Variants in SPOCK3 observed in about 807,000 individuals in gnomAD.
The protein encoded by SPOCK3 is SPARC (osteonectin), cwcv and kazal like domains proteoglycan 3.
SPOCK3 carries 30 observed loss-of-function variants against 56.6 expected under a neutral mutation model. That is an observed-to-expected ratio of 0.53 (90% CI 0.40 to 0.72). The LOEUF (loss-of-function observed/expected upper bound fraction) is 0.72. Ranked by LOEUF, SPOCK3 falls within the 30% of genes least tolerant of loss-of-function variation. The pLI is 0.00. For synonymous variants in SPOCK3, 196 were observed against 183.3 expected, an observed-to-expected ratio of 1.07 and a Z score of -0.56; for missense variants, 527 against 530.0, an observed-to-expected ratio of 0.99 and a Z score of 0.06.
In SPOCK3 at chr4:167,061,351, A is replaced by G. The variant is rs538717358; in HGVS notation, c.235+1141T>C. On this transcript the variant is annotated intron_variant, in intron 3 of 10. Coordinates refer to ENST00000357545, the MANE Select transcript of SPOCK3 (RefSeq NM_001040159.2). ...TTTTAGAGCATTGGCTTGACTTATTAGTAACAAATTCAAAATTAATTCTTT... is the reference window on the plus strand; with the variant it reads ...TTTTAGAGCATTGGCTTGACTTATTGGTAACAAATTCAAAATTAATTCTTT... Among the ~76,000 whole-genome samples, 137 of 152,142 alleles carry G rather than the reference A, an allele frequency of 9.0e-4. 1 individual carries two copies. The highest frequency in any genetic ancestry group is 3.1e-3 in the African/African-American group (130 of 41,562).
chr4:167,033,832 A>G (rs7677172), intron 3 of SPOCK3, among the ~76,000 whole-genome samples: 54,883 of 151,810 alleles, frequency 0.36, 12,307 homozygotes, highest in African/African-American at 0.64. Flanking sequence ...TCTCCATTTG[A>G]ATTTACTAGA....
At chr4:166,848,184 C>T (rs1482472962) in intron 6 of SPOCK3, among the ~76,000 whole-genome samples, 2 of 152,170 alleles carry the variant, frequency 1.3e-5, no homozygotes, top group Admixed American at 6.5e-5. Context: ...TTTATAAATG[C>T]TCATATTGCA....
Position 166,748,186 on chromosome 4 carries a change from T to G in SPOCK3, c.932-6127A>C, listed in dbSNP as rs1449760480. 1.4e-5 allele frequency among the ~76,000 whole-genome samples: 2 copies of G among 137,954 alleles called. 1 individual carries two copies. Among genetic ancestry groups the G allele is most frequent in the African/African-American group, 6.1e-5 (2 of 32,544 alleles). 90.5% of individuals were successfully genotyped at this position (137,954 alleles called of 152,430 possible). A position where few individuals can be genotyped will look rare whatever the true frequency, so the allele number is the denominator to read the frequency against. On this transcript the variant is annotated intron_variant, in intron 8 of 10. Transcript: ENST00000357545. ...AGAGCCTGCATTGCCAAGACAATCC[T>G]AAGCCAAAAGAACAAAGCTGGAGGC...
At chr4:166,782,386 C>T (rs531180458) in intron 7 of SPOCK3, among the ~76,000 whole-genome samples, 10 of 152,180 alleles carry the variant, frequency 6.6e-5, no homozygotes, top group South Asian at 6.2e-4. Flanking sequence ...AAAACATCAA[C>T]GCTGTTCTAA....
At chr4:167,006,266 A>G (rs1579973677) in intron 3 of SPOCK3, among the ~76,000 whole-genome samples, 2 of 152,186 alleles carry the variant, frequency 1.3e-5, no homozygotes, top group African/African-American at 4.8e-5. Flanking sequence ...AGCCCTTGGA[A>G]TTACAAAACC....
chr4:167,048,150 T>A (rs558184869), intron 3 of SPOCK3, among the ~76,000 whole-genome samples: 2 of 152,018 alleles, frequency 1.3e-5, no homozygotes, highest in Non-Finnish European at 2.9e-5. Flanking sequence ...AATTAAAGCA[T>A]GTAAGAGGCA....
At chr4:167,074,975 G>C (rs1481860940) in intron 2 of SPOCK3, among the ~76,000 whole-genome samples, 2 of 151,788 alleles carry the variant, frequency 1.3e-5, no homozygotes, top group South Asian at 4.1e-4. Flanking sequence ...ATCACCTCAA[G>C]CATGTATCAT....
intron 2 of SPOCK3, among the ~76,000 whole-genome samples, chr4:167,183,280 G>A (rs1280689978): frequency 1.3e-5 from 2 of 152,076 alleles, no homozygotes; most frequent in Non-Finnish European, 2.9e-5. Flanking sequence ...AAGCCACTGA[G>A]TTTTTAGGTA....
intron 2 of SPOCK3, among the ~76,000 whole-genome samples, chr4:167,127,497 G>A (rs983924112): frequency 1.3e-5 from 2 of 151,330 alleles, no homozygotes; most frequent in African/African-American, 2.4e-5. Flanking sequence ...GCATGATCTC[G>A]GCTCACTGCA....
intron 2 of SPOCK3, among the ~76,000 whole-genome samples, chr4:167,104,563 A>G (rs773739737): frequency 7.2e-5 from 11 of 152,132 alleles, no homozygotes; most frequent in Non-Finnish European, 7.4e-5. Context: ...AATAAAGAAT[A>G]AGAATGAAGC....
chr4:167,001,345 T>C (rs2150129166), intron 3 of SPOCK3, among the ~76,000 whole-genome samples: 1 of 152,290 alleles, frequency 6.6e-6, no homozygotes, highest in African/African-American at 2.4e-5. Flanking sequence ...CTAGAGATTT[T>C]CCTATTCTGG....
Position 166,737,508 on chromosome 4 carries a change from T to G in SPOCK3, c.1091A>C (p.Asn364Thr). The G allele has an allele frequency of 6.2e-7, 1 of 1,613,448 alleles. No homozygotes were observed. The highest frequency in any genetic ancestry group is 8.5e-7 in the Non-Finnish European group (1 of 1,179,604). The change falls in exon 10 of 11, where the codon AAT becomes ACT. Residue 364 changes from asparagine to threonine, a missense_variant. Asn to Thr is a moderately conservative substitution (Grantham distance 65, BLOSUM62 0). Transcript: ENST00000357545. ...GQCWCVDRYG[N>T]EVMGSRINGV... Reference sequence around the variant, plus strand: ...ATTTATTCTGGATCCCATGACTTCATTTCCATATCTGTCAACACACCAGCA... The same window carrying G: ...ATTTATTCTGGATCCCATGACTTCAGTTCCATATCTGTCAACACACCAGCA...
At chr4:167,227,311 A>C (rs1399516512) in intron 2 of SPOCK3, among the ~76,000 whole-genome samples, 7 of 152,182 alleles carry the variant, frequency 4.6e-5, no homozygotes, top group African/African-American at 1.7e-4. Flanking sequence ...TTTATATTTT[A>C]TAAAAATTGA....
intron 3 of SPOCK3, among the ~76,000 whole-genome samples, chr4:167,056,604 G>A (rs1423921228): frequency 5.9e-5 from 9 of 152,200 alleles, no homozygotes; most frequent in Non-Finnish European, 1.0e-4. Flanking sequence ...AGCTGATGGA[G>A]CTGAAAGCCA....
intron 7 of SPOCK3, among the ~76,000 whole-genome samples, chr4:166,773,490 C>T (rs897484249): frequency 2.0e-5 from 3 of 152,014 alleles, no homozygotes; most frequent in Admixed American, 6.6e-5. Context: ...AAAGCTAGAT[C>T]GCATTGTGTT....
At chr4:166,979,119 T>A (rs1366457796) in intron 4 of SPOCK3, among the ~76,000 whole-genome samples, 2 of 152,172 alleles carry the variant, frequency 1.3e-5, no homozygotes, top group South Asian at 4.1e-4. Flanking sequence ...TGGAAAAAAA[T>A]CCCTTTCACA....
At chr4:167,046,936 G>A (rs1753787941) in intron 3 of SPOCK3, among the ~76,000 whole-genome samples, 1 of 152,148 alleles carries the variant, frequency 6.6e-6, no homozygotes, top group Non-Finnish European at 1.5e-5. Context: ...AATGGAGAAA[G>A]AGAAATGTCT....
chr4:166,865,123 T>A (rs1247001104), intron 6 of SPOCK3, among the ~76,000 whole-genome samples: 1 of 152,070 alleles, frequency 6.6e-6, no homozygotes, highest in South Asian at 2.1e-4. Flanking sequence ...GCAAGGCTGG[T>A]TCAACATACA....
At chr4:166,931,957 CCT>C in intron 4 of SPOCK3, among the ~76,000 whole-genome samples, 1 of 152,160 alleles carries the variant, frequency 6.6e-6, no homozygotes, top group Admixed American at 6.5e-5. Flanking sequence ...TCTCCTGTGT[CCT>C]ACTTTCTACA....
Sources: gnomAD v4.1 joint callset for allele counts (sites outside exome capture counted in the v4.1 genomes callset) on GRCh38, gnomAD v4.1.1 for gene constraint, MANE v1.5 for transcripts, NCBI Gene and HGNC (gene_info 2026-07-23, HGNC 2026-07-21) for gene names.